ATF6B: variants seen among roughly 807,000 people sequenced by gnomAD.
The protein encoded by ATF6B is cyclic AMP-dependent transcription factor ATF-6 beta.
A neutral mutation model predicts 83.5 loss-of-function variants in ATF6B; 50 were observed. That is an observed-to-expected ratio of 0.60 (90% CI 0.48 to 0.76). ATF6B has a LOEUF of 0.76. Among genes scored for constraint, ATF6B ranks in the 30% least tolerant of loss-of-function variants. The pLI is 0.00. For synonymous variants in ATF6B, 344 were observed against 362.8 expected, an observed-to-expected ratio of 0.95 and a Z score of 0.59; for missense variants, 790 against 893.8, an observed-to-expected ratio of 0.88 and a Z score of 1.48.
chr6:32,120,769 A>G lies in ATF6B; in HGVS notation c.832+2T>C. On this transcript the variant is annotated splice_donor_variant, in intron 8 of 17. Transcript: ENST00000375203. LOFTEE classifies it high-confidence loss of function. Reference sequence around the variant, plus strand: ...CCCGGCCCTTTTCTCCTTCTTCAGTACCTGGGGGTGGCTGGACGAGGGACT... The same window carrying G: ...CCCGGCCCTTTTCTCCTTCTTCAGTGCCTGGGGGTGGCTGGACGAGGGACT... 1 of 1,610,098 alleles carries G rather than the reference A, an allele frequency of 6.2e-7. No individual in the cohort carries two copies. The highest frequency in any genetic ancestry group is 1.1e-5 in the South Asian group (1 of 90,556).
intron 5 of ATF6B, 125 bp from the exon 6 acceptor site, chr6:32,121,473 C>T (rs566596980): frequency 1.0e-5 from 9 of 865,926 alleles, no homozygotes; most frequent in African/African-American, 3.3e-5. Context: ...GAGGCCAAGG[C>T]GGGCAGATCA....
At position 32,115,863 on chromosome 6, in the gene ATF6B, G is replaced by A; in HGVS notation, c.1988C>T (p.Pro663Leu). The change falls in exon 18 of 18, where the codon CCC becomes CTC. Residue 663 changes from proline to leucine, a missense_variant. Coordinates refer to ENST00000375203, the MANE Select transcript of ATF6B (RefSeq NM_004381.5). ...GGATGGCTGTTTTCGGAGCGAGGGG[G>A]GCACTGTGGAGGTCTTGATGTGAAT... ...RVIHIKTSTV[P>L]PSLRKQPSPT... The A allele has an allele frequency of 1.9e-6, 3 of 1,614,136 alleles. No individual in the cohort carries two copies. The highest frequency in any genetic ancestry group is 2.2e-5 in the East Asian group (1 of 44,878).
rs1782051799 is a variant in ATF6B at position 32,127,832 on chromosome 6, T to A, written c.92-82A>T. ...ACACAAGCCCCCGCCCCATCCCTCA[T>A]TGGCTCCGCTCGGCCAGACCCACCG... On this transcript the variant is annotated intron_variant, in intron 1 of 17. Transcript: ENST00000375203. 4 of 1,463,902 alleles carry A rather than the reference T, an allele frequency of 2.7e-6. No individual in the cohort carries two copies. The African/African-American group carries it at 4.2e-5, about 15-fold the overall frequency. The allele number at this position is 1,463,902 out of a possible 1,614,324, so 90.7% of individuals were successfully genotyped here.
chr6:32,123,215 A>G, intron 5 of ATF6B, among the ~76,000 whole-genome samples: 1 of 131,510 alleles, frequency 7.6e-6, no homozygotes, highest in Non-Finnish European at 1.6e-5. Context: ...GTGACAGGGC[A>G]AAACTCTGTC....
Position 32,127,724 on chromosome 6 carries a change from C to T in ATF6B, c.118G>A (p.Glu40Lys). ...AGCTGCGTCTGCTCCTCGGCCACTT[C>T]ATCTAGGCCAGAATACAAGGTGCTG... ...QNSTLYSGLD[E>K]VAEEQTQLFR... The change falls in exon 2 of 18, where the codon GAA (glutamate) becomes AAA (lysine). Residue 40 changes from glutamate to lysine, a missense_variant. This residue lies in a region of ATF6B where 253 missense variants were observed against 243.1 expected (regional missense o/e 1.04). Coordinates refer to ENST00000375203, the MANE Select transcript of ATF6B (RefSeq NM_004381.5). The T allele has an allele frequency of 6.2e-7, 1 of 1,614,180 alleles. No homozygotes were observed. Among genetic ancestry groups the T allele is most frequent in the Non-Finnish European group, 8.5e-7 (1 of 1,180,018 alleles).
Position 32,116,089 on chromosome 6 carries a change from G to A in ATF6B, c.1883-121C>T, listed in dbSNP as rs1349006524. 1.4e-6 allele frequency: 1 copy of A among 715,096 alleles called. No individual in the cohort carries two copies. Among genetic ancestry groups the A allele is most frequent in the Non-Finnish European group, 2.3e-6 (1 of 431,142 alleles). The allele number at this position is 715,096 out of a possible 1,614,324, so 44.3% of individuals were successfully genotyped here. A position where few individuals can be genotyped will look rare whatever the true frequency, so the allele number is the denominator to read the frequency against. The stretch of plus-strand genomic sequence containing the variant: ...GAGAAAAAGAAAGGGCAATAGTGAG[G>A]AGGCAGATCCATAGCGGGAGTTAAA... On this transcript the variant is annotated intron_variant, in intron 17 of 17. Transcript: ENST00000375203. The surrounding 1 kb of genome is among the most constrained non-coding windows in gnomAD (Gnocchi z 5.1).
At chr6:32,126,011 C>T in intron 5 of ATF6B, 106 bp downstream of exon 5, 1 of 1,487,876 alleles carries the variant, frequency 6.7e-7, no homozygotes, top group Admixed American at 2.0e-5. Flanking sequence ...CCTTTTTCTC[C>T]CTGTCCTGCT....
chr6:32,117,184 T>C lies in ATF6B; in HGVS notation c.1615-77A>G. 3.2e-6 allele frequency: 5 copies of C among 1,551,218 alleles called. No individual in the cohort carries two copies. Among genetic ancestry groups the C allele is most frequent in the East Asian group, 2.3e-5 (1 of 44,126 alleles). ...GAGACAAACAGCCCCTGGAAGCTGA[T>C]GCCACCTCCCACTCAACCCTCCACT... On this transcript the variant is annotated intron_variant, in intron 14 of 17. Coordinates refer to ENST00000375203, the MANE Select transcript of ATF6B (RefSeq NM_004381.5). The surrounding 1 kb of genome is among the most constrained non-coding windows in gnomAD (Gnocchi z 5.0).
Position 32,115,641 on chromosome 6 carries a change from A to T in ATF6B, c.*98T>A. 1.8e-6 allele frequency: 2 copies of T among 1,095,830 alleles called. No individual in the cohort carries two copies. The highest frequency in any genetic ancestry group is 2.4e-5 in the East Asian group (1 of 41,780). The allele number at this position is 1,095,830 out of a possible 1,614,324, so 67.9% of individuals were successfully genotyped here. ...CCCCACACCTGCTCTTTCCTTTACC[A>T]ATTGCCCCAAGCCTGGGGATCAGGG... On this transcript the variant is annotated 3_prime_UTR_variant, in exon 18 of 18. Coordinates refer to ENST00000375203, the MANE Select transcript of ATF6B (RefSeq NM_004381.5).
Position 32,115,862 on chromosome 6 carries a change from G to A in ATF6B, c.1989C>T (p.Pro663=), listed in dbSNP as rs770107246. The part of the protein sequence containing the change: ...RVIHIKTSTV[P]PSLRKQPSPT... The stretch of plus-strand genomic sequence containing the variant: ...GGGATGGCTGTTTTCGGAGCGAGGG[G>A]GGCACTGTGGAGGTCTTGATGTGAA... The change falls in exon 18 of 18, where the codon CCC becomes CCT. Residue 663 remains proline, a synonymous_variant. Coordinates refer to ENST00000375203, the MANE Select transcript of ATF6B (RefSeq NM_004381.5). 2.1e-5 allele frequency: 34 copies of A among 1,614,168 alleles called. No homozygotes were observed. The Middle Eastern group carries it at 3.8e-3, about 180-fold the overall frequency.
rs879185701 is a variant in ATF6B, at chr6:32,116,956, C to T, written c.1685+81G>A. ...ATAATCCCACTGGTGACAGTAATGA[C>T]AGGCACAGGACAGCTACTGGGGGTA... On this transcript the variant is annotated intron_variant, in intron 15 of 17. Transcript: ENST00000375203. The surrounding 1 kb of genome is among the most constrained non-coding windows in gnomAD (Gnocchi z 5.1). The T allele has an allele frequency of 3.2e-6, 5 of 1,553,208 alleles. No individual in the cohort carries two copies. In the Admixed American group the frequency reaches 8.4e-5, roughly 26 times the overall value.
At chr6:32,123,999 T>A (rs1313633543) in intron 5 of ATF6B, among the ~76,000 whole-genome samples, 1 of 152,126 alleles carries the variant, frequency 6.6e-6, no homozygotes, top group East Asian at 1.9e-4. Flanking sequence ...AGGTCGGGAA[T>A]TCAAGACCAG....
chr6:32,120,810 T>C lies in ATF6B; in HGVS notation c.793A>G (p.Thr265Ala), dbSNP rs1781732686. The change falls in exon 8 of 18, where the codon ACC (threonine) becomes GCC (alanine). Residue 265 changes from threonine (T) to alanine (A), a missense_variant. By Grantham distance (58) the Thr-to-Ala change is moderately conservative. Around this residue, in one of 3 missense-constraint regions of ATF6B, gnomAD observed 530 missense variants for 632.6 expected, o/e 0.84. Coordinates refer to ENST00000375203, the MANE Select transcript of ATF6B (RefSeq NM_004381.5). ...PMPSRAVPPS[T>A]TVLLQSLVQP... ...ACGAGGGACTGCAGAAGGACTGTGG[T>C]GCTGGGAGGCACAGCTCTGGATGGC... 1 of 1,610,280 alleles carries C rather than the reference T, an allele frequency of 6.2e-7. No individual in the cohort carries two copies. The highest frequency in any genetic ancestry group is 8.5e-7 in the Non-Finnish European group (1 of 1,178,084).
At chr6:32,126,703 A>T (rs928271180) in intron 4 of ATF6B, among the ~76,000 whole-genome samples, 1 of 151,892 alleles carries the variant, frequency 6.6e-6, no homozygotes, top group Non-Finnish European at 1.5e-5. Context: ...TACAAACAAT[A>T]AAAAAAATTA....
rs770558759 is a variant in ATF6B, at chr6:32,127,130, C to A, written c.315G>T (p.Ser105=). 6.2e-7 allele frequency: 1 copy of A among 1,609,524 alleles called. No individual in the cohort carries two copies. The highest frequency in any genetic ancestry group is 8.5e-7 in the Non-Finnish European group (1 of 1,178,356). ...CGCTGGATGGCTCTGTGGAGAGACG[C>A]GATGACTCGGAGCTGAGGGAGGAGG... is the stretch of plus-strand genomic sequence containing the variant. ...CSSSSLSSES[S]RLSTEPSSEA... The change falls in exon 4 of 18, where the codon TCG becomes TCT. Residue 105 remains serine, a synonymous_variant. Transcript: ENST00000375203.
At chr6:32,122,665 G>A (rs561415213) in intron 5 of ATF6B, among the ~76,000 whole-genome samples, 4 of 151,158 alleles carry the variant, frequency 2.6e-5, no homozygotes, top group Non-Finnish European at 4.4e-5. Context: ...TGGCTAACAC[G>A]GTGAAACCCC....
Position 32,120,758 on chromosome 6 carries a change from CCTT to C in ATF6B, c.832+10_832+12del. On this transcript the variant is annotated intron_variant, in intron 8 of 17. Transcript: ENST00000375203. ...GAGCCACCATGCCCGGCCCTTTTCT[CCTT>C]CTTCAGTACCTGGGGGTGGCTGGAC... The C allele has an allele frequency of 6.2e-7, 1 of 1,607,876 alleles. No individual in the cohort carries two copies. The highest frequency in any genetic ancestry group is 8.5e-7 in the Non-Finnish European group (1 of 1,176,940).
Position 32,128,137 on chromosome 6 carries a change from G to C in ATF6B, c.71C>G (p.Pro24Arg). The C allele has an allele frequency of 1.2e-6, 2 of 1,613,170 alleles. No individual in the cohort carries two copies. The highest frequency in any genetic ancestry group is 1.7e-6 in the Non-Finnish European group (2 of 1,180,000). ...CTCACTCTGCAGACCCCAGTCCTCCGGGCTAAGCAGGTTGTCGGTGAAGAA... is the reference window on the plus strand; with the variant it reads ...CTCACTCTGCAGACCCCAGTCCTCCCGGCTAAGCAGGTTGTCGGTGAAGAA... ...TRFFTDNLLS[P>R]EDWGLQNSTL... The change falls in exon 1 of 18, where the codon CCG becomes CGG. Residue 24 changes from proline (P) to arginine (R), a missense_variant. By Grantham distance (103) the Pro-to-Arg change is moderately radical. Transcript: ENST00000375203.
rs566726781 is a variant in ATF6B at position 32,127,932 on chromosome 6, C to A, written c.92-182G>T. 2.0e-5 allele frequency among the ~76,000 whole-genome samples: 3 copies of A among 152,222 alleles called. No homozygotes were observed. The East Asian group carries it at 5.8e-4, about 29-fold the overall frequency. The stretch of plus-strand genomic sequence containing the variant: ...CCCGACCCCGGAACAACTCGACGTT[C>A]CAGCAGGGAGCAGAGTTCTTCCCTG... On this transcript the variant is annotated intron_variant, in intron 1 of 17. Transcript: ENST00000375203.
Sources: allele counts gnomAD v4.1 joint callset (sites outside exome capture counted in the v4.1 genomes callset), GRCh38; gene constraint gnomAD v4.1.1; regional missense constraint gnomAD v4.1.1; non-coding constraint Gnocchi (gnomAD v3.1); transcripts MANE v1.5; gene names NCBI Gene and HGNC (gene_info 2026-07-23, HGNC 2026-07-21).